The following ADAMTS9 variants were observed in gnomAD, a reference collection of about 807,000 sequenced individuals.
The protein encoded by ADAMTS9 is A disintegrin and metalloproteinase with thrombospondin motifs 9.
Under a neutral mutation model 257.1 loss-of-function variants are expected in ADAMTS9, and 107 were observed. The ratio of observed to expected loss-of-function variants is 0.42; its 90% CI spans 0.36 to 0.49. ADAMTS9 has a LOEUF of 0.49. Among genes scored for constraint, ADAMTS9 ranks in the 20% least tolerant of loss-of-function variants. ADAMTS9 has a pLI of 0.03. For synonymous variants in ADAMTS9, 982 were observed against 880.9 expected, an observed-to-expected ratio of 1.11 and a Z score of -2.03; for missense variants, 2,353 against 2,469.1, an observed-to-expected ratio of 0.95 and a Z score of 1.00.
At chr3:64,614,225 A>G (rs1332381425) in intron 21 of ADAMTS9, among the ~76,000 whole-genome samples, 1 of 152,218 alleles carries the variant, frequency 6.6e-6, no homozygotes, top group Non-Finnish European at 1.5e-5. Flanking sequence ...GTTTGAAATT[A>G]TACTTTAGTA....
At chr3:64,642,119 A>G in intron 11 of ADAMTS9, 126 bp from the exon 12 acceptor site, 5 of 1,061,398 alleles carry the variant, frequency 4.7e-6, no homozygotes, top group Non-Finnish European at 4.2e-6. Flanking sequence ...CTGCAGGTTC[A>G]TCATCTATAT....
At chr3:64,679,657 T>C (rs1028552040) in intron 3 of ADAMTS9, among the ~76,000 whole-genome samples, 2 of 152,258 alleles carry the variant, frequency 1.3e-5, no homozygotes, top group African/African-American at 2.4e-5. Flanking sequence ...CTTCTGAATA[T>C]ATACTAATAA....
At chr3:64,631,742 A>T (rs1700372217) in intron 15 of ADAMTS9, 66 bp downstream of exon 15, 5 of 1,416,188 alleles carry the variant, frequency 3.5e-6, no homozygotes, top group Non-Finnish European at 5.0e-6. Context: ...TGCATATTAC[A>T]TGTGGTTAAC....
At chr3:64,683,384 G>A (rs1340914164) in intron 2 of ADAMTS9, among the ~76,000 whole-genome samples, 6 of 152,130 alleles carry the variant, frequency 3.9e-5, no homozygotes, top group South Asian at 4.1e-4. Flanking sequence ...GAACCCTGAG[G>A]TTCTCTTCAG....
At chr3:64,654,857 A>ATC (rs1488540657) in intron 6 of ADAMTS9, among the ~76,000 whole-genome samples, 11 of 152,208 alleles carry the variant, frequency 7.2e-5, no homozygotes, top group Non-Finnish European at 1.5e-4. Context: ...GCAGTAAGAA[A>ATC]TCTCTCCAAC....
At chr3:64,654,933 T>C (rs1187572378) in intron 6 of ADAMTS9, among the ~76,000 whole-genome samples, 1 of 152,176 alleles carries the variant, frequency 6.6e-6, no homozygotes. Context: ...AGAACATTCC[T>C]GAGAAGGTGC....
intron 28 of ADAMTS9, chr3:64,592,571 A>C (rs796841715): frequency 3.9e-5 from 6 of 152,358 alleles, no homozygotes; most frequent in African/African-American, 1.4e-4. Flanking sequence ...ATGGAAATTA[A>C]TTTATAATTC....
chr3:64,653,543 T>G (rs963009790), intron 8 of ADAMTS9, among the ~76,000 whole-genome samples: 11 of 152,318 alleles, frequency 7.2e-5, no homozygotes, highest in African/African-American at 2.6e-4. Flanking sequence ...GGACCTTAAA[T>G]GTATGAATGA....
At chr3:64,519,883 C>A (rs1230328208) in intron 39 of ADAMTS9, among the ~76,000 whole-genome samples, 1 of 151,970 alleles carries the variant, frequency 6.6e-6, no homozygotes, top group Non-Finnish European at 1.5e-5. Flanking sequence ...AGAATGGGAA[C>A]AAGACAAGAA....
At chr3:64,684,169 A>G (rs1020146034) in intron 2 of ADAMTS9, among the ~76,000 whole-genome samples, 1 of 152,156 alleles carries the variant, frequency 6.6e-6, no homozygotes, top group Admixed American at 6.5e-5. Context: ...GGACATGTGG[A>G]TGTGAGTGAG....
intron 37 of ADAMTS9, among the ~76,000 whole-genome samples, chr3:64,538,478 T>TAA (rs202039114): frequency 1.4e-5 from 2 of 142,382 alleles, no homozygotes; most frequent in African/African-American, 2.6e-5. Context: ...AACATTAAAT[T>TAA]AAAAAAAAAA....
intron 32 of ADAMTS9, among the ~76,000 whole-genome samples, chr3:64,544,443 T>C (rs138188591): frequency 0.92 from 140,459 of 152,126 alleles, 65,370 homozygotes; most frequent in East Asian, 1. Context: ...AGAACAGAGC[T>C]CTCAGAAATA....
At position 64,568,517 on chromosome 3, in the gene ADAMTS9, G is replaced by A. The variant is rs765212684; in HGVS notation, c.4375C>T (p.Arg1459Ter). Residue 1459 changes from arginine to a stop codon, truncating the protein, a stop_gained, in exon 29 of 40, where the codon CGA becomes TGA. Coordinates refer to ENST00000498707, the MANE Select transcript of ADAMTS9 (RefSeq NM_182920.2). LOFTEE classifies it high-confidence loss of function. ...PWSSCSVSCG[R>*]GHKQRNVYCM... is the part of the protein sequence containing the mutation. ...TAAACATTTCGTTGTTTATGCCCTC[G>A]ACCACAAGAGACAGAACACTGCAAT... 4.3e-6 allele frequency: 7 copies of A among 1,613,710 alleles called. No individual in the cohort carries two copies. Among genetic ancestry groups the A allele is most frequent in the African/African-American group, 4.0e-5 (3 of 74,866 alleles).
intron 16 of ADAMTS9, among the ~76,000 whole-genome samples, chr3:64,625,067 C>G (rs988112888): frequency 2.0e-5 from 3 of 152,238 alleles, no homozygotes; most frequent in African/African-American, 7.2e-5. Flanking sequence ...AGTGAGGATG[C>G]CCTTGAAAGA....
chr3:64,545,071 C>T (rs2083178995), intron 32 of ADAMTS9, among the ~76,000 whole-genome samples: 1 of 152,128 alleles, frequency 6.6e-6, no homozygotes, highest in South Asian at 2.1e-4. Flanking sequence ...CCATCTCACA[C>T]CAGTTAGAAT....
chr3:64,664,860 A>G (rs1158776941), intron 3 of ADAMTS9, among the ~76,000 whole-genome samples: 3 of 152,200 alleles, frequency 2.0e-5, no homozygotes, highest in Admixed American at 2.0e-4. Context: ...TGTTTTCCAA[A>G]GTGGTTACAC....
At chr3:64,531,161 T>C (rs2082976557) in intron 38 of ADAMTS9, among the ~76,000 whole-genome samples, 1 of 140,828 alleles carries the variant, frequency 7.1e-6, no homozygotes, top group East Asian at 3.1e-4. Context: ...GTGAGATAGC[T>C]TTTTTTCACA....
intron 11 of ADAMTS9, among the ~76,000 whole-genome samples, chr3:64,642,786 C>T (rs751163177): frequency 9.9e-5 from 15 of 152,146 alleles, no homozygotes; most frequent in South Asian, 4.1e-4. Context: ...CGCCCCGCGG[C>T]TCGCTCAGAT....
chr3:64,635,810 G>C (rs1700481491), intron 12 of ADAMTS9, among the ~76,000 whole-genome samples: 1 of 151,672 alleles, frequency 6.6e-6, no homozygotes, highest in Non-Finnish European at 1.5e-5. Flanking sequence ...GGGTTTCCTA[G>C]ATCCAAGCCC....
Sources: gnomAD v4.1 joint callset for allele counts (sites outside exome capture counted in the v4.1 genomes callset) on GRCh38, gnomAD v4.1.1 for gene constraint, MANE v1.5 for transcripts, NCBI Gene and HGNC (gene_info 2026-07-23, HGNC 2026-07-21) for gene names.